Variants in SENP6 observed in about 807,000 individuals in gnomAD.
SENP6 encodes SUMO specific peptidase 6, also known as sentrin-specific protease 6.
A neutral mutation model predicts 134.5 loss-of-function variants in SENP6; 41 were observed. That is an observed-to-expected ratio of 0.30 (90% CI 0.24 to 0.40). The LOEUF is 0.40. SENP6 is among the 10% of genes least tolerant of loss of function. The pLI is 1.00. For missense variants in SENP6, 1,248 were observed against 1,312.5 expected (o/e 0.95, Z 0.76); for synonymous variants, 395 against 429.8 (o/e 0.92, Z 1.00).
chr6:75,682,224 G>C (rs1360847147), intron 16 of SENP6, among the ~76,000 whole-genome samples: 2 of 151,600 alleles, frequency 1.3e-5, no homozygotes, highest in Non-Finnish European at 2.9e-5. Flanking sequence ...ACTATAAAAT[G>C]TGTGAAGCAA....
intron 1 of SENP6, among the ~76,000 whole-genome samples, chr6:75,607,198 A>C (rs1767092573): frequency 6.6e-6 from 1 of 152,076 alleles, no homozygotes; most frequent in South Asian, 2.1e-4. Flanking sequence ...AACATAAAAA[A>C]ATGATATGGG....
intron 6 of SENP6, among the ~76,000 whole-genome samples, chr6:75,641,751 G>T (rs1770045991): frequency 6.6e-6 from 1 of 152,136 alleles, no homozygotes; most frequent in South Asian, 2.1e-4. Context: ...GGCAAAGCGG[G>T]AGTATCTCTT....
In SENP6 at chr6:75,603,334, C is replaced by T. The variant is rs540729397; in HGVS notation, c.52+758C>T. On this transcript the variant is annotated intron_variant, in intron 1 of 23. Coordinates refer to ENST00000447266, the MANE Select transcript of SENP6 (RefSeq NM_015571.4). ...GGGGAACAATATTGATTTTTTTGGCCTATGAATATATAAGGACCCCCAAAA... is the reference window on the plus strand; with the variant it reads ...GGGGAACAATATTGATTTTTTTGGCTTATGAATATATAAGGACCCCCAAAA... 4.6e-5 allele frequency among the ~76,000 whole-genome samples: 7 copies of T among 152,022 alleles called. No homozygotes were observed. The South Asian group carries it at 1.5e-3, about 32-fold the overall frequency.
At position 75,619,650 on chromosome 6, in the gene SENP6, G is replaced by T. The variant is rs73453058; in HGVS notation, c.53-1882G>T. On this transcript the variant is annotated intron_variant, in intron 1 of 23. Transcript: ENST00000447266. The stretch of plus-strand genomic sequence containing the variant: ...TCCCTAGAAGTGAAATTGCTAGCTC[G>T]TAGGGTAATTCTATGTTTAACTTTT... Among the ~76,000 whole-genome samples the T allele has an allele frequency of 9.5e-3, 1,442 of 152,220 alleles. 23 individuals carry two copies. Among genetic ancestry groups the T allele is most frequent in the African/African-American group, 0.033 (1,377 of 41,524 alleles).
intron 1 of SENP6, among the ~76,000 whole-genome samples, chr6:75,617,060 G>A (rs1409062897): frequency 6.6e-6 from 1 of 151,618 alleles, no homozygotes; most frequent in Non-Finnish European, 1.5e-5. Flanking sequence ...GTATTTTTTT[G>A]TAGAGACAGG....
Position 75,654,708 on chromosome 6 carries a change from G to A in SENP6, c.551-4554G>A, listed in dbSNP as rs185430611. Among the ~76,000 whole-genome samples the A allele has an allele frequency of 3.0e-3, 458 of 152,214 alleles. 2 individuals carry two copies. The highest frequency in any genetic ancestry group is 0.011 in the African/African-American group (440 of 41,526). On this transcript the variant is annotated intron_variant, in intron 7 of 23. Coordinates refer to ENST00000447266, the MANE Select transcript of SENP6 (RefSeq NM_015571.4). ...TAACAGTTTGTATTCTATCACTGTC[G>A]TCTGGGTACTTATTTTTCAGCGTAT... is the stretch of plus-strand genomic sequence containing the variant.
At chr6:75,640,762 TTA>T in intron 6 of SENP6, 58 bp downstream of exon 6, 1 of 1,090,462 alleles carries the variant, frequency 9.2e-7, no homozygotes, top group Non-Finnish European at 1.3e-6. Flanking sequence ...ATAAAATTAT[TTA>T]TATGTTTTGA....
chr6:75,678,973 G>A (rs201200562), intron 16 of SENP6, 46 bp downstream of exon 16: 33 of 929,754 alleles, frequency 3.5e-5, no homozygotes, highest in East Asian at 1.0e-4. Context: ...TTAACATTCC[G>A]TCATATCTTA....
At chr6:75,664,115 A>G (rs9447532) in intron 9 of SENP6, among the ~76,000 whole-genome samples, 6,531 of 152,198 alleles carry the variant, frequency 0.043, 162 homozygotes, top group Non-Finnish European at 0.054. Flanking sequence ...ATAAGAGTGT[A>G]TACTGTGGAG....
At chr6:75,679,983 A>C (rs896131169) in intron 16 of SENP6, 1 of 152,226 alleles carries the variant, frequency 6.6e-6, no homozygotes, top group African/African-American at 2.4e-5. Context: ...ATCATAATTG[A>C]ATTTCTGTTA....
chr6:75,663,585 C>A lies in SENP6; in HGVS notation c.994+67C>A. ...GTATTTTTCAGATATATTTTTACAA[C>A]CACTCTCCCCAACCCCATATATATT... On this transcript the variant is annotated intron_variant, in intron 9 of 23. Transcript: ENST00000447266. 1.8e-6 allele frequency: 2 copies of A among 1,140,338 alleles called. 1 individual carries two copies. Among genetic ancestry groups the A allele is most frequent in the East Asian group, 5.0e-5 (2 of 40,384 alleles). The allele number at this position is 1,140,338 out of a possible 1,614,324, so 70.6% of individuals were successfully genotyped here.
In SENP6 at chr6:75,688,721, A is replaced by T. The variant is rs1030518490; in HGVS notation, c.2076-7083A>T. Among the ~76,000 whole-genome samples, 6 of 152,142 alleles carry T rather than the reference A, an allele frequency of 3.9e-5. No homozygotes were observed. The South Asian group carries it at 1.2e-3, about 32-fold the overall frequency. On this transcript the variant is annotated intron_variant, in intron 16 of 23. Coordinates refer to ENST00000447266, the MANE Select transcript of SENP6 (RefSeq NM_015571.4). ...GATCACTTGAAGCCAAGAGTTGGAG[A>T]CCCAGCCTGTGCAATATAATGAAGC... is the stretch of plus-strand genomic sequence containing the variant.
At chr6:75,696,158 T>A (rs180686492) in intron 17 of SENP6, among the ~76,000 whole-genome samples, 18 of 152,374 alleles carry the variant, frequency 1.2e-4, no homozygotes, top group African/African-American at 3.8e-4. Context: ...TTTTAACAAC[T>A]TATTTATATT....
intron 16 of SENP6, among the ~76,000 whole-genome samples, chr6:75,690,367 A>T (rs1774155898): frequency 6.6e-6 from 1 of 152,228 alleles, no homozygotes; most frequent in African/African-American, 2.4e-5. Flanking sequence ...CCTTCCTTAA[A>T]AAGGAAGGAA....
chr6:75,668,825 G>C (rs1167543597), intron 10 of SENP6, among the ~76,000 whole-genome samples: 1 of 152,220 alleles, frequency 6.6e-6, no homozygotes, highest in Admixed American at 6.5e-5. Flanking sequence ...GCGGTTTTCA[G>C]ACTGGCACAC....
intron 1 of SENP6, among the ~76,000 whole-genome samples, chr6:75,609,230 T>C (rs1767259570): frequency 6.6e-6 from 1 of 152,204 alleles, no homozygotes; most frequent in South Asian, 2.1e-4. Flanking sequence ...TTTGCTTCCC[T>C]ATTCTTACTC....
chr6:75,664,259 C>CT (rs1320441330), intron 9 of SENP6, among the ~76,000 whole-genome samples: 13 of 147,798 alleles, frequency 8.8e-5, no homozygotes, highest in Non-Finnish European at 1.6e-4. Flanking sequence ...GACCCTGTTG[C>CT]TAAAAAAAAA....
chr6:75,610,747 G>A (rs889176110), intron 1 of SENP6, among the ~76,000 whole-genome samples: 1 of 152,154 alleles, frequency 6.6e-6, no homozygotes, highest in East Asian at 1.9e-4. Context: ...TCAGCCTGGA[G>A]TAGTATGAAA....
chr6:75,673,298 G>A (rs2149875399), intron 11 of SENP6, among the ~76,000 whole-genome samples: 1 of 148,340 alleles, frequency 6.7e-6, no homozygotes, highest in Middle Eastern at 3.6e-3. Context: ...TCACAATGTA[G>A]ATGAAATAGA....
Sources: gnomAD v4.1 joint callset for allele counts (sites outside exome capture counted in the v4.1 genomes callset) on GRCh38, gnomAD v4.1.1 for gene constraint, MANE v1.5 for transcripts, NCBI Gene and HGNC (gene_info 2026-07-23, HGNC 2026-07-21) for gene names.